The following EPB41 variants were observed in gnomAD, a reference collection of about 807,000 sequenced individuals.
EPB41 encodes the protein protein 4.1.
A neutral mutation model predicts 108.0 loss-of-function variants in EPB41; 65 were observed. The observed-to-expected ratio is 0.60, with a 90% CI of 0.49 to 0.74. EPB41 has a LOEUF of 0.74. Ranked by LOEUF, EPB41 falls within the 30% of genes least tolerant of loss-of-function variation. The probability of loss-of-function intolerance (pLI) is 0.00; values close to 1 mark genes in which losing one functional copy is unlikely to be tolerated. For missense variants in EPB41, 875 were observed against 1,037.0 expected (o/e 0.84, Z 2.15); for synonymous variants, 336 against 358.9 (o/e 0.94, Z 0.72).
chr1:29,041,563 A>G (rs1170571193), intron 11 of EPB41: 1 of 152,180 alleles, frequency 6.6e-6, no homozygotes, highest in Admixed American at 6.5e-5. Flanking sequence ...ATTTGTTACC[A>G]GTGTACAAGC....
At chr1:28,987,963 T>C in intron 2 of EPB41, 58 bp downstream of exon 2, 14 of 1,571,058 alleles carry the variant, frequency 8.9e-6, no homozygotes, top group Non-Finnish European at 1.2e-5. Flanking sequence ...CACTTTATTT[T>C]TCATTTAAGA....
chr1:28,993,657 C>CT (rs932117775), intron 3 of EPB41, 115 bp downstream of exon 3: 75,670 of 544,834 alleles, frequency 0.14, 1,657 homozygotes, highest in African/African-American at 0.24. Context: ...TTTCTTTTTT[C>CT]TTTTTTTTTT....
In EPB41 at chr1:29,104,900, T is replaced by G. The variant is rs932977217; in HGVS notation, c.2314-4436T>G. Among the ~76,000 whole-genome samples, 13 of 152,064 alleles carry G rather than the reference T, an allele frequency of 8.5e-5. No homozygotes were observed. The South Asian group carries it at 1.5e-3, about 17-fold the overall frequency. ...ACTGTGCCCGGCCTAATTTTTTAAT[T>G]TTTTGTACACACGGGACTCACTTTG... is the stretch of plus-strand genomic sequence containing the variant. On this transcript the variant is annotated intron_variant, in intron 17 of 20. Coordinates refer to ENST00000343067, the MANE Select transcript of EPB41 (RefSeq NM_001376013.1).
intron 2 of EPB41, among the ~76,000 whole-genome samples, chr1:28,988,268 G>A (rs1280266179): frequency 6.6e-6 from 1 of 152,090 alleles, no homozygotes; most frequent in Admixed American, 6.6e-5. Context: ...CTCAACAACG[G>A]GGGGATAAAA....
intron 16 of EPB41, among the ~76,000 whole-genome samples, chr1:29,080,751 T>C (rs147255449): frequency 3.9e-5 from 6 of 152,350 alleles, no homozygotes; most frequent in African/African-American, 1.4e-4. Flanking sequence ...TTGGCCAGGC[T>C]CCTTTTGCTC....
At chr1:29,102,535 T>C (rs1665778719) in intron 17 of EPB41, among the ~76,000 whole-genome samples, 1 of 152,064 alleles carries the variant, frequency 6.6e-6, no homozygotes, top group South Asian at 2.1e-4. Flanking sequence ...CTGTAAAACA[T>C]TTTGAAGTAT....
intron 1 of EPB41, among the ~76,000 whole-genome samples, chr1:28,935,879 A>AT (rs1156491599): frequency 6.6e-6 from 1 of 150,786 alleles, no homozygotes; most frequent in Admixed American, 6.6e-5. Context: ...AGACTGTGCC[A>AT]TTGCACTCCA....
At chr1:29,077,218 A>G (rs549063138) in intron 16 of EPB41, among the ~76,000 whole-genome samples, 2 of 152,268 alleles carry the variant, frequency 1.3e-5, no homozygotes, top group Non-Finnish European at 2.9e-5. Flanking sequence ...GGAATCTAGT[A>G]TACCCTTATG....
intron 16 of EPB41, among the ~76,000 whole-genome samples, chr1:29,066,967 G>A (rs992391063): frequency 6.6e-6 from 1 of 151,456 alleles, no homozygotes; most frequent in Non-Finnish European, 1.5e-5. Context: ...GAGCCACCGT[G>A]CCCAGCTAAA....
chr1:29,109,467 A>G, intron 18 of EPB41, 30 bp downstream of exon 18: 1 of 1,589,520 alleles, frequency 6.3e-7, no homozygotes. Flanking sequence ...CTCTTTATGG[A>G]ACCCAGGGGC....
chr1:29,047,488 A>G (rs1440500640), intron 11 of EPB41, among the ~76,000 whole-genome samples: 1 of 150,266 alleles, frequency 6.7e-6, no homozygotes, highest in African/African-American at 2.5e-5. Context: ...ACCTGGGCTC[A>G]AGCAGTCCTC....
In EPB41 at chr1:28,887,231, G is replaced by A. The variant is rs1036606041; in HGVS notation, c.-8+21G>A. On this transcript the variant is annotated intron_variant, in intron 1 of 16. Transcript: ENST00000347529. The surrounding 1 kb of genome is among the most constrained non-coding windows in gnomAD (Gnocchi z 4.9). ...CCCAGGTGAGCCTGGACCACCTGGG[G>A]GGCGACCCTCGGTCCCCGGGAGGGA... is the stretch of plus-strand genomic sequence containing the variant. The A allele has an allele frequency of 2.3e-6, 3 of 1,280,294 alleles. No homozygotes were observed. The highest frequency in any genetic ancestry group is 3.1e-5 in the African/African-American group (2 of 65,454). The allele number at this position is 1,280,294 out of a possible 1,614,324, so 79.3% of individuals were successfully genotyped here. A position where few individuals can be genotyped will look rare whatever the true frequency, so the allele number is the denominator to read the frequency against.
chr1:29,036,948 G>A (rs1276994641), intron 10 of EPB41, among the ~76,000 whole-genome samples: 2 of 152,012 alleles, frequency 1.3e-5, no homozygotes, highest in Non-Finnish European at 2.9e-5. Context: ...CCAAAGTGCT[G>A]GGATTACAGG....
intron 1 of EPB41, among the ~76,000 whole-genome samples, chr1:28,905,809 T>C (rs2091771083): frequency 6.7e-6 from 1 of 149,020 alleles, no homozygotes; most frequent in Admixed American, 6.8e-5. Context: ...TCTTTCTTTT[T>C]CTTTCTTTCT....
chr1:29,016,184 T>G (rs547807136), intron 6 of EPB41, among the ~76,000 whole-genome samples: 313 of 152,296 alleles, frequency 2.1e-3, no homozygotes, highest in African/African-American at 6.6e-3. Flanking sequence ...TTGTTGTTTT[T>G]TGTTTTTTGA....
Position 29,097,823 on chromosome 1 carries a change from C to T in EPB41, c.2201C>T (p.Thr734Ile). The T allele has an allele frequency of 6.2e-7, 1 of 1,614,008 alleles. No homozygotes were observed. The highest frequency in any genetic ancestry group is 1.1e-5 in the South Asian group (1 of 91,076). The change falls in exon 17 of 21, where the codon ACA (threonine) becomes ATA (isoleucine). Residue 734 changes from threonine to isoleucine, a missense_variant. Coordinates refer to ENST00000343067, the MANE Select transcript of EPB41 (RefSeq NM_001376013.1). Reference sequence around the variant, plus strand: ...GCTTCACAGCCTCCCCTGGTGAAGACACAAACTGTCACCATCTCAGATAAT... The same window carrying T: ...GCTTCACAGCCTCCCCTGGTGAAGATACAAACTGTCACCATCTCAGATAAT... ...PTGEGPPLVK[T>I]QTVTISDNAN...
At chr1:29,092,596 A>T (rs369110563) in intron 16 of EPB41, among the ~76,000 whole-genome samples, 3 of 152,002 alleles carry the variant, frequency 2.0e-5, no homozygotes, top group East Asian at 1.9e-4. Flanking sequence ...CAGGTTTGTT[A>T]TGTAGGTAAA....
At chr1:28,983,825 G>T (rs949062552) in intron 1 of EPB41, among the ~76,000 whole-genome samples, 3 of 152,140 alleles carry the variant, frequency 2.0e-5, no homozygotes, top group African/African-American at 2.4e-5. Flanking sequence ...TGGGCCCTTT[G>T]CCTTTTTGAG....
intron 1 of EPB41, among the ~76,000 whole-genome samples, chr1:28,982,897 A>ATT (rs1429879694): frequency 1.3e-5 from 2 of 152,188 alleles, no homozygotes; most frequent in Admixed American, 6.5e-5. Context: ...ATCCCCCTTA[A>ATT]AAATGTAAAT....
Sources: allele counts gnomAD v4.1 joint callset (sites outside exome capture counted in the v4.1 genomes callset), GRCh38; gene constraint gnomAD v4.1.1; non-coding constraint Gnocchi (gnomAD v3.1); transcripts MANE v1.5; gene names NCBI Gene and HGNC (gene_info 2026-07-23, HGNC 2026-07-21).